ZGRF1: variants seen among roughly 807,000 people sequenced by gnomAD.
ZGRF1 encodes the protein zinc finger GRF-type containing 1, also known as 5'-3' DNA helicase ZGRF1.
A neutral mutation model predicts 203.5 loss-of-function variants in ZGRF1; 196 were observed. That is an observed-to-expected ratio of 0.96 (90% CI 0.86 to 1.08). ZGRF1 has a LOEUF of 1.08. Among genes scored for constraint, ZGRF1 ranks in the 50% least tolerant of loss-of-function variants. ZGRF1 has a pLI of 0.00. For synonymous variants in ZGRF1, 809 were observed against 841.3 expected (o/e 0.96, Z 0.66); for missense variants, 2,326 against 2,416.3 (o/e 0.96, Z 0.78).
chr4:112,618,379 C>T lies in ZGRF1; in HGVS notation c.1663G>A (p.Asp555Asn). The T allele has an allele frequency of 6.2e-7, 1 of 1,613,890 alleles. No homozygotes were observed. The highest frequency in any genetic ancestry group is 8.5e-7 in the Non-Finnish European group (1 of 1,179,886). ...ATGTCCTTTACCCAACTCTCTGAATCCTGGGAAATTTTGTTGCTTTCCTGT... is the reference window on the plus strand; with the variant it reads ...ATGTCCTTTACCCAACTCTCTGAATTCTGGGAAATTTTGTTGCTTTCCTGT... ...ESQESNKISQDSESWVKDILV... is the reference protein window; with the variant it reads ...ESQESNKISQNSESWVKDILV... Residue 555 changes from aspartate to asparagine, a missense_variant, in exon 6 of 28, where the codon GAT (aspartate) becomes AAT (asparagine). Transcript: ENST00000505019.
chr4:112,617,065 G>T (rs1560864124), intron 6 of ZGRF1, among the ~76,000 whole-genome samples: 1 of 151,998 alleles, frequency 6.6e-6, no homozygotes, highest in Non-Finnish European at 1.5e-5. Flanking sequence ...CTCCAGCCTG[G>T]GTGACAGAGT....
At chr4:112,632,110 C>A in intron 2 of ZGRF1, 100 bp from the exon 3 acceptor site, 1 of 503,740 alleles carries the variant, frequency 2.0e-6, no homozygotes, top group Non-Finnish European at 3.1e-6. Flanking sequence ...TTTAAGGCAC[C>A]TTTCATCAAA....
intron 9 of ZGRF1, 69 bp downstream of exon 9, chr4:112,605,939 G>GT (rs1191732276): frequency 3.9e-6 from 4 of 1,024,436 alleles, no homozygotes; most frequent in East Asian, 4.8e-5. Context: ...TTGTTTTTTT[G>GT]TTTTTTTGTT....
At chr4:112,564,999 A>G in intron 16 of ZGRF1, 1 of 915,828 alleles carries the variant, frequency 1.1e-6, no homozygotes, top group Non-Finnish European at 1.8e-6. Context: ...TGGCTCGTAC[A>G]AGGCAGACTG....
At position 112,560,987 on chromosome 4, in the gene ZGRF1, G is replaced by A. The variant is rs775951107; in HGVS notation, c.4706C>T (p.Pro1569Leu). The change falls in exon 19 of 28, where the codon CCA becomes CTA. Residue 1569 changes from proline (P) to leucine (L), a missense_variant. Pro to Leu is a moderately conservative substitution (Grantham distance 98, BLOSUM62 -3). Transcript: ENST00000505019. ...GACTCTTTTGTTACTAACTATAGTT[G>A]GCGAAGACCTAATAAAAATGAAGCA... Reference protein sequence around the residue: ...LTQYLLTTSSPTIVSNKRVSK... With the variant: ...LTQYLLTTSSLTIVSNKRVSK... The A allele has an allele frequency of 2.8e-5, 45 of 1,606,006 alleles. No individual in the cohort carries two copies. The highest frequency in any genetic ancestry group is 3.8e-5 in the Non-Finnish European group (45 of 1,174,270).
intron 20 of ZGRF1, among the ~76,000 whole-genome samples, chr4:112,555,213 A>G (rs990743358): frequency 6.6e-6 from 1 of 152,204 alleles, no homozygotes; most frequent in African/African-American, 2.4e-5. Flanking sequence ...CTCAGAGGTG[A>G]GGTATCATGA....
intron 3 of ZGRF1, chr4:112,628,590 T>C (rs1321678669): frequency 1.1e-5 from 5 of 455,938 alleles, no homozygotes; most frequent in African/African-American, 1.0e-4. Context: ...TTGAGGGCGT[T>C]ATTTAGGAAA....
Position 112,617,801 on chromosome 4 carries a change from G to C in ZGRF1, c.2241C>G (p.His747Gln). ...ATTTATCAAGTGCAATACATTCATAGTGATTCTGATTGGTATTTAATAGTT... is the reference window on the plus strand; with the variant it reads ...ATTTATCAAGTGCAATACATTCATACTGATTCTGATTGGTATTTAATAGTT... ...SVQLLNTNQN[H>Q]YECIALDKSN... is the part of the protein sequence containing the mutation. Residue 747 changes from histidine to glutamine, a missense_variant, in exon 6 of 28, where the codon CAC (histidine) becomes CAG (glutamine). Physicochemically the swap from His to Gln is conservative, Grantham distance 24. Transcript: ENST00000505019. 4 of 1,613,916 alleles carry C rather than the reference G, an allele frequency of 2.5e-6. No individual in the cohort carries two copies. Among genetic ancestry groups the C allele is most frequent in the Non-Finnish European group, 2.5e-6 (3 of 1,179,818 alleles).
At chr4:112,606,657 CAAAA>C (rs201280347) in intron 8 of ZGRF1, among the ~76,000 whole-genome samples, 2 of 91,776 alleles carry the variant, frequency 2.2e-5, no homozygotes. Context: ...AACTCCGTCT[CAAAA>C]AAAAAAAAAA....
At position 112,586,524 on chromosome 4, in the gene ZGRF1, A is replaced by G; in HGVS notation, c.3837T>C (p.Leu1279=). The change falls in exon 13 of 28, where the codon CTT becomes CTC. Residue 1279 remains leucine, a synonymous_variant. Coordinates refer to ENST00000505019, the MANE Select transcript of ZGRF1 (RefSeq NM_018392.5). The part of the protein sequence containing the change: ...PSGQKIKSAY[L]PQRQIHIPAV... ...CTGGTATGTGAATTTGCCTTTGGGG[A>G]AGATAAGCAGATTTTATTTTCTGCC... is the stretch of plus-strand genomic sequence containing the variant. The G allele has an allele frequency of 6.2e-7, 1 of 1,613,222 alleles. No individual in the cohort carries two copies. The highest frequency in any genetic ancestry group is 8.5e-7 in the Non-Finnish European group (1 of 1,179,430).
rs1436885944 is a variant in ZGRF1 at position 112,548,276 on chromosome 4, C to G, written c.5451G>C (p.Pro1817=). Residue 1817 remains proline (P), a synonymous_variant, in exon 23 of 28, where the codon CCG becomes CCC. Coordinates refer to ENST00000505019, the MANE Select transcript of ZGRF1 (RefSeq NM_018392.5). ...ACCTTGCAATGGGAAGGAGAGAGGC[C>G]GGTTCAGTTATCTGACTACACTCAT... The part of the protein sequence containing the change: ...VLDECSQITE[P]ASLLPIARFE... The G allele has an allele frequency of 2.6e-6, 4 of 1,551,882 alleles. No individual in the cohort carries two copies. In the South Asian group the frequency reaches 3.6e-5, roughly 14 times the overall value.
Position 112,578,599 on chromosome 4 carries a change from G to A in ZGRF1, c.4438+3064C>T, listed in dbSNP as rs1167034666. ...AAATGATAAAGGGGATATCACCACCGATCCACAGAAATACAAACTACCATC... is the reference window on the plus strand; with the variant it reads ...AAATGATAAAGGGGATATCACCACCAATCCACAGAAATACAAACTACCATC... On this transcript the variant is annotated intron_variant, in intron 16 of 27. Coordinates refer to ENST00000505019, the MANE Select transcript of ZGRF1 (RefSeq NM_018392.5). Among the ~76,000 whole-genome samples, 7 of 122,712 alleles carry A rather than the reference G, an allele frequency of 5.7e-5. 2 individuals are homozygous for A. Among genetic ancestry groups the A allele is most frequent in the African/African-American group, 8.5e-5 (3 of 35,440 alleles). The allele number at this position is 122,712 out of a possible 152,430, so 80.5% of individuals were successfully genotyped here.
Position 112,539,598 on chromosome 4 carries a change from T to G in ZGRF1, c.6264A>C (p.Lys2088Asn), listed in dbSNP as rs761829466. Residue 2088 changes from lysine to asparagine, a missense_variant, in exon 28 of 28, where the codon AAA becomes AAC. Physicochemically the swap from Lys to Asn is moderately conservative, Grantham distance 94. Transcript: ENST00000505019. ...KDYFEKQVEE[K>N]QKKKSEKEKS... is the part of the protein sequence containing the mutation. ...TCTCTTTTTCACTCTTTTTCTTCTG[T>G]TTTTCTTCCACTTGTTTTTCAAAAT... The G allele has an allele frequency of 1.3e-6, 2 of 1,567,042 alleles. No individual in the cohort carries two copies. The highest frequency in any genetic ancestry group is 2.7e-5 in the African/African-American group (2 of 74,114).
intron 10 of ZGRF1, among the ~76,000 whole-genome samples, chr4:112,601,229 G>T (rs748403002): frequency 2.0e-5 from 3 of 152,082 alleles, no homozygotes; most frequent in Middle Eastern, 3.4e-3. Flanking sequence ...GCAACCTGGT[G>T]AAACAACATC....
intron 16 of ZGRF1, among the ~76,000 whole-genome samples, chr4:112,567,948 C>CA (rs1021228024): frequency 8.7e-5 from 13 of 149,888 alleles, no homozygotes; most frequent in South Asian, 2.1e-4. Flanking sequence ...AACAAACAAA[C>CA]AAAAAAAACA....
At chr4:112,564,772 A>G (rs1474012901) in intron 16 of ZGRF1, among the ~76,000 whole-genome samples, 1 of 152,194 alleles carries the variant, frequency 6.6e-6, no homozygotes, top group Non-Finnish European at 1.5e-5. Flanking sequence ...CAACCACTTC[A>G]TGAATGTCTT....
chr4:112,600,154 G>T (rs1749710478), intron 10 of ZGRF1, among the ~76,000 whole-genome samples: 3 of 151,974 alleles, frequency 2.0e-5, no homozygotes. Flanking sequence ...ACCTCAGCCT[G>T]CTGGGTAGCT....
chr4:112,633,745 T>C (rs1578510470), intron 1 of ZGRF1, among the ~76,000 whole-genome samples: 1 of 152,358 alleles, frequency 6.6e-6, no homozygotes, highest in Middle Eastern at 3.4e-3. Context: ...GTTGTTATGC[T>C]ATTGGATAAA....
At chr4:112,560,519 G>A (rs892188162) in intron 19 of ZGRF1, among the ~76,000 whole-genome samples, 1 of 152,186 alleles carries the variant, frequency 6.6e-6, no homozygotes, top group African/African-American at 2.4e-5. Flanking sequence ...AGTTTATAAT[G>A]CTACTCATTC....
Sources: allele counts gnomAD v4.1 joint callset (sites outside exome capture counted in the v4.1 genomes callset), GRCh38; gene constraint gnomAD v4.1.1; transcripts MANE v1.5; gene names NCBI Gene and HGNC (gene_info 2026-07-23, HGNC 2026-07-21).